Variants in CEP112 observed in about 807,000 individuals in gnomAD.
CEP112 encodes the protein centrosomal protein 112.
CEP112 carries 127 observed loss-of-function variants against 153.0 expected under a neutral mutation model. That is an observed-to-expected ratio of 0.83 (90% CI 0.72 to 0.96). CEP112 has a LOEUF of 0.96. Among genes scored for constraint, CEP112 ranks in the 40% least tolerant of loss-of-function variants. The probability of loss-of-function intolerance (pLI) is 0.00; values close to 1 mark genes in which losing one functional copy is unlikely to be tolerated. For synonymous variants in CEP112, 358 were observed against 374.4 expected (o/e 0.96, Z 0.51); for missense variants, 1,089 against 1,101.2 (o/e 0.99, Z 0.16).
intron 24 of CEP112, among the ~76,000 whole-genome samples, chr17:65,646,678 C>G (rs554040764): frequency 3.5e-4 from 53 of 152,310 alleles, no homozygotes; most frequent in Non-Finnish European, 6.9e-4. Flanking sequence ...CCACTTTGCT[C>G]TACAGTTTCT....
intron 21 of CEP112, among the ~76,000 whole-genome samples, chr17:65,775,498 AT>A (rs1258725396): frequency 2.4e-5 from 3 of 122,604 alleles, no homozygotes; most frequent in Non-Finnish European, 5.8e-5. Context: ...TTAAAATTTT[AT>A]TTTAAATTTT....
chr17:65,846,079 C>G (rs1057283079), intron 21 of CEP112, among the ~76,000 whole-genome samples: 6 of 152,218 alleles, frequency 3.9e-5, no homozygotes, highest in African/African-American at 4.8e-5. Flanking sequence ...TGAACCTCAA[C>G]TTTATACTCA....
intron 20 of CEP112, among the ~76,000 whole-genome samples, chr17:65,858,008 C>A (rs1391582041): frequency 2.0e-5 from 3 of 152,168 alleles, no homozygotes; most frequent in African/African-American, 7.2e-5. Context: ...TCCTCTTCCC[C>A]TAAATTTGAC....
intron 17 of CEP112, among the ~76,000 whole-genome samples, chr17:65,969,515 T>C (rs1179888467): frequency 6.6e-6 from 1 of 152,210 alleles, no homozygotes; most frequent in Non-Finnish European, 1.5e-5. Flanking sequence ...TTTGCATTAC[T>C]TGCATGTATA....
At chr17:66,136,898 C>T (rs2070458483) in intron 4 of CEP112, among the ~76,000 whole-genome samples, 1 of 152,098 alleles carries the variant, frequency 6.6e-6, no homozygotes, top group African/African-American at 2.4e-5. Context: ...GAAGGTCTGC[C>T]CCTGTACAAA....
intron 1 of CEP112, among the ~76,000 whole-genome samples, chr17:66,185,866 A>G (rs1475798869): frequency 1.3e-5 from 2 of 152,162 alleles, no homozygotes; most frequent in African/African-American, 4.8e-5. Context: ...TCTAATATTT[A>G]CCACATTATC....
chr17:65,724,350 T>C (rs576630961), intron 23 of CEP112, among the ~76,000 whole-genome samples: 23 of 152,210 alleles, frequency 1.5e-4, no homozygotes, highest in Non-Finnish European at 3.1e-4. Context: ...TTTGGTTCAG[T>C]TCCTTAGAAA....
At chr17:65,913,605 T>A (rs2060365338) in intron 19 of CEP112, 6 of 985,406 alleles carry the variant, frequency 6.1e-6, no homozygotes, top group Non-Finnish European at 7.2e-6. Context: ...AACAGTTCAG[T>A]TTACGCATGG....
In CEP112 at chr17:65,986,228, A is replaced by G. The variant is rs182487771; in HGVS notation, c.1736+19462T>C. On this transcript the variant is annotated intron_variant, in intron 17 of 26. Transcript: ENST00000535342. ...AATAACTCAGATAAACAGAAAACAC[A>G]GTGAAAGAACCTGGGCAGAATCTCC... 9.0e-4 allele frequency among the ~76,000 whole-genome samples: 137 copies of G among 152,288 alleles called. 1 individual carries two copies. Among genetic ancestry groups the G allele is most frequent in the Non-Finnish European group, 1.5e-3 (105 of 68,020 alleles).
At chr17:65,696,551 C>T (rs1292833174) in intron 23 of CEP112, among the ~76,000 whole-genome samples, 3 of 152,010 alleles carry the variant, frequency 2.0e-5, no homozygotes, top group East Asian at 1.9e-4. Flanking sequence ...AGTCTGTGGC[C>T]GTGAAACAAG....
chr17:65,828,574 C>G (rs1055822844), intron 21 of CEP112, among the ~76,000 whole-genome samples: 2 of 152,130 alleles, frequency 1.3e-5, no homozygotes, highest in African/African-American at 4.8e-5. Flanking sequence ...TGGATTCTTA[C>G]GCAAAACAGA....
intron 12 of CEP112, among the ~76,000 whole-genome samples, chr17:66,036,872 A>G (rs2065762082): frequency 6.6e-6 from 1 of 152,212 alleles, no homozygotes. Flanking sequence ...AAAATGCAAC[A>G]CTGCAATACT....
chr17:65,958,679 G>A (rs1243358872), intron 18 of CEP112, among the ~76,000 whole-genome samples: 3 of 134,714 alleles, frequency 2.2e-5, no homozygotes, highest in African/African-American at 8.0e-5. Context: ...CTGGCCTGCA[G>A]GCAACCCTTG....
intron 17 of CEP112, among the ~76,000 whole-genome samples, chr17:65,965,200 T>C (rs1215417127): frequency 1.3e-5 from 2 of 152,180 alleles, no homozygotes; most frequent in African/African-American, 4.8e-5. Context: ...ACCACATAAA[T>C]CAAAGTCATA....
At chr17:65,878,589 G>A (rs535112648) in intron 20 of CEP112, among the ~76,000 whole-genome samples, 3 of 152,214 alleles carry the variant, frequency 2.0e-5, no homozygotes, top group Admixed American at 6.5e-5. Flanking sequence ...GGACAATATC[G>A]AGGTGTTGAG....
At chr17:65,766,264 T>C (rs1483160635) in intron 21 of CEP112, among the ~76,000 whole-genome samples, 2 of 134,866 alleles carry the variant, frequency 1.5e-5, no homozygotes, top group African/African-American at 5.3e-5. Flanking sequence ...GGAGGATAAA[T>C]GTTTAGAGTT....
At chr17:65,836,321 C>A (rs958757677) in intron 21 of CEP112, among the ~76,000 whole-genome samples, 1 of 152,128 alleles carries the variant, frequency 6.6e-6, no homozygotes, top group Admixed American at 6.5e-5. Flanking sequence ...GGGTTAAATT[C>A]TCCAATTAAA....
At chr17:65,839,129 A>C (rs1296295554) in intron 21 of CEP112, among the ~76,000 whole-genome samples, 7 of 152,134 alleles carry the variant, frequency 4.6e-5, no homozygotes, top group Non-Finnish European at 8.8e-5. Context: ...AGAGGAGAGA[A>C]TACTTCCAAA....
chr17:66,037,653 T>C (rs2065793135), intron 12 of CEP112, among the ~76,000 whole-genome samples: 1 of 152,118 alleles, frequency 6.6e-6, no homozygotes, highest in African/African-American at 2.4e-5. Context: ...CAATTCTTAC[T>C]CTAGTACCAT....
Sources: allele counts gnomAD v4.1 joint callset (sites outside exome capture counted in the v4.1 genomes callset), GRCh38; gene constraint gnomAD v4.1.1; transcripts MANE v1.5; gene names NCBI Gene and HGNC (gene_info 2026-07-23, HGNC 2026-07-21).